The following CTNND2 variants were observed in gnomAD, a reference collection of about 807,000 sequenced individuals.
CTNND2 encodes the protein catenin delta-2.
A neutral mutation model predicts 144.4 loss-of-function variants in CTNND2; 22 were observed. The ratio of observed to expected loss-of-function variants is 0.15; its 90% CI spans 0.11 to 0.22. CTNND2 has a LOEUF of 0.22. Ranked by LOEUF, CTNND2 falls within the 10% of genes least tolerant of loss-of-function variation. CTNND2 has a pLI of 1.00. For synonymous variants in CTNND2, 751 were observed against 695.6 expected, an observed-to-expected ratio of 1.08 and a Z score of -1.25; for missense variants, 1,353 against 1,618.8, an observed-to-expected ratio of 0.84 and a Z score of 2.82.
At chr5:11,232,601 T>C (rs980329503) in intron 10 of CTNND2, among the ~76,000 whole-genome samples, 1 of 152,246 alleles carries the variant, frequency 6.6e-6, no homozygotes, top group African/African-American at 2.4e-5. Context: ...CTGTACCCCA[T>C]TGTATCTTGG....
chr5:11,165,950 G>A (rs1199561424), intron 11 of CTNND2, among the ~76,000 whole-genome samples: 1 of 152,180 alleles, frequency 6.6e-6, no homozygotes, highest in Non-Finnish European at 1.5e-5. Context: ...ATCAAACACT[G>A]CCTGGTGGCT....
At chr5:11,299,832 A>G (rs1441486583) in intron 9 of CTNND2, among the ~76,000 whole-genome samples, 1 of 152,142 alleles carries the variant, frequency 6.6e-6, no homozygotes. Flanking sequence ...GGACCTTCAG[A>G]CTGCTCGGAT....
intron 1 of CTNND2, among the ~76,000 whole-genome samples, chr5:11,761,905 A>T (rs972265940): frequency 2.0e-5 from 3 of 152,206 alleles, no homozygotes; most frequent in Non-Finnish European, 4.4e-5. Flanking sequence ...TTGGAAAACT[A>T]GATTCTACCA....
At chr5:11,188,708 C>T (rs766735578) in intron 11 of CTNND2, among the ~76,000 whole-genome samples, 1 of 152,150 alleles carries the variant, frequency 6.6e-6, no homozygotes, top group Admixed American at 6.5e-5. Context: ...GGTAAGAGAG[C>T]CATCCCATAA....
chr5:11,628,792 T>C (rs1255370513), intron 2 of CTNND2, among the ~76,000 whole-genome samples: 2 of 149,516 alleles, frequency 1.3e-5, no homozygotes, highest in East Asian at 1.9e-4. Flanking sequence ...AAAAGAGTGG[T>C]TAAAGCTTTT....
chr5:11,023,127 G>T, intron 16 of CTNND2, 148 bp from the exon 17 acceptor site: 1 of 687,018 alleles, frequency 1.5e-6, no homozygotes. Flanking sequence ...TCCCTATTGG[G>T]TAGTTTTACA....
At chr5:11,262,844 C>T (rs1173518237) in intron 9 of CTNND2, among the ~76,000 whole-genome samples, 1 of 150,360 alleles carries the variant, frequency 6.7e-6, no homozygotes, top group African/African-American at 2.4e-5. Flanking sequence ...ACACATTTTC[C>T]ATTCACAGGC....
intron 9 of CTNND2, among the ~76,000 whole-genome samples, chr5:11,343,110 A>G (rs1301107925): frequency 2.0e-5 from 3 of 152,206 alleles, no homozygotes; most frequent in Non-Finnish European, 4.4e-5. Flanking sequence ...TAGTCAAAAG[A>G]GAAAAGACCA....
At chr5:11,425,482 G>A (rs1762703137) in intron 3 of CTNND2, among the ~76,000 whole-genome samples, 1 of 152,132 alleles carries the variant, frequency 6.6e-6, no homozygotes, top group Non-Finnish European at 1.5e-5. Context: ...ACCTTCTCCG[G>A]GTACACAGCA....
intron 1 of CTNND2, among the ~76,000 whole-genome samples, chr5:11,763,123 G>T (rs1038775639): frequency 3.9e-5 from 6 of 152,034 alleles, no homozygotes; most frequent in Non-Finnish European, 8.8e-5. Flanking sequence ...TCTCCTGCTG[G>T]CCATGTGAAG....
chr5:11,490,412 A>G (rs1769277760), intron 3 of CTNND2, among the ~76,000 whole-genome samples: 1 of 152,222 alleles, frequency 6.6e-6, no homozygotes, highest in South Asian at 2.1e-4. Context: ...TAGCTTTTGA[A>G]TGTACATGTA....
chr5:11,742,787 C>T (rs370259346), intron 1 of CTNND2, among the ~76,000 whole-genome samples: 10 of 152,034 alleles, frequency 6.6e-5, no homozygotes, highest in East Asian at 1.9e-4. Context: ...ACTCCTACTA[C>T]GTATAATTGA....
intron 2 of CTNND2, among the ~76,000 whole-genome samples, chr5:11,662,150 T>TATATATGTGTATATATGTGTATATATAC (rs1363832304): frequency 1.3e-3 from 147 of 113,124 alleles, no homozygotes; most frequent in African/African-American, 4.5e-3. Context: ...TATATACACA[T>TATATATGTGTATATATGTGTATATATAC]ATATATGTGT....
At chr5:11,104,137 G>C (rs1173300750) in intron 14 of CTNND2, among the ~76,000 whole-genome samples, 2 of 152,188 alleles carry the variant, frequency 1.3e-5, no homozygotes, top group Non-Finnish European at 2.9e-5. Flanking sequence ...CTATCACCTA[G>C]ATTTCTCTAC....
intron 1 of CTNND2, among the ~76,000 whole-genome samples, chr5:11,758,750 G>A (rs1420085390): frequency 2.0e-5 from 3 of 151,912 alleles, no homozygotes; most frequent in Non-Finnish European, 1.5e-5. Context: ...AAATTCATTT[G>A]TAGTATTCTC....
intron 9 of CTNND2, among the ~76,000 whole-genome samples, chr5:11,297,425 A>C (rs1749137937): frequency 6.6e-6 from 1 of 152,212 alleles, no homozygotes; most frequent in Non-Finnish European, 1.5e-5. Flanking sequence ...AGATATGAGA[A>C]TGCAGCTGTC....
intron 9 of CTNND2, among the ~76,000 whole-genome samples, chr5:11,294,186 A>G (rs2150020650): frequency 6.6e-6 from 1 of 151,872 alleles, no homozygotes; most frequent in Admixed American, 6.6e-5. Context: ...TCAAAAAAAA[A>G]AAAAAAACAA....
At chr5:11,900,242 C>T (rs1737753167) in intron 1 of CTNND2, among the ~76,000 whole-genome samples, 1 of 152,168 alleles carries the variant, frequency 6.6e-6, no homozygotes, top group South Asian at 2.1e-4. Context: ...AATATCCTGA[C>T]ATAGCTAAGA....
chr5:11,509,006 A>G (rs185009266), intron 3 of CTNND2, among the ~76,000 whole-genome samples: 1 of 152,334 alleles, frequency 6.6e-6, no homozygotes, highest in East Asian at 1.9e-4. Context: ...GAATAAGTAG[A>G]CTTACAATTA....
Sources: gnomAD v4.1 joint callset for allele counts (sites outside exome capture counted in the v4.1 genomes callset) on GRCh38, gnomAD v4.1.1 for gene constraint, MANE v1.5 for transcripts, NCBI Gene and HGNC (gene_info 2026-07-23, HGNC 2026-07-21) for gene names.